ZBTB46: variants seen among roughly 807,000 people sequenced by gnomAD.
ZBTB46 encodes the protein zinc finger and BTB domain-containing protein 46.
A neutral mutation model predicts 44.1 loss-of-function variants in ZBTB46; 8 were observed. The ratio of observed to expected loss-of-function variants is 0.18; its 90% confidence interval spans 0.11 to 0.33. The LOEUF (loss-of-function observed/expected upper bound fraction) is 0.33. ZBTB46 is among the 10% of genes least tolerant of loss of function. The pLI is 1.00. For missense variants in ZBTB46, 651 were observed against 847.7 expected (o/e 0.77, Z 2.88); for synonymous variants, 409 against 382.3 (o/e 1.07, Z -0.81).
At chr20:63,774,681 TGC>T (rs1423871992) in intron 3 of ZBTB46, among the ~76,000 whole-genome samples, 34 of 126,820 alleles carry the variant, frequency 2.7e-4, no homozygotes, top group African/African-American at 9.7e-4. Flanking sequence ...GGGGGCTGGC[TGC>T]GGTGGGTTTT....
At chr20:63,824,281 C>T (rs1256254505) in intron 1 of ZBTB46, among the ~76,000 whole-genome samples, 2 of 152,056 alleles carry the variant, frequency 1.3e-5, no homozygotes, top group African/African-American at 2.4e-5. Context: ...TGTCCTCCAC[C>T]CCTAAAGGAG....
chr20:63,788,801 T>G (rs1216643310), intron 2 of ZBTB46, among the ~76,000 whole-genome samples: 1 of 147,720 alleles, frequency 6.8e-6, no homozygotes, highest in Non-Finnish European at 1.5e-5. Context: ...ATCACGTCAC[T>G]GCACTCCAGC....
intron 3 of ZBTB46, chr20:63,769,478 A>G (rs895361719): frequency 2.0e-6 from 2 of 981,094 alleles, no homozygotes; most frequent in Non-Finnish European, 2.4e-6. Context: ...TCTTCCCGGC[A>G]TGCGGTGTGA....
At chr20:63,768,908 C>T (rs1007576892) in intron 3 of ZBTB46, among the ~76,000 whole-genome samples, 1 of 152,150 alleles carries the variant, frequency 6.6e-6, no homozygotes, top group African/African-American at 2.4e-5. Context: ...CTGATGTTTC[C>T]AACCCACTGC....
intron 1 of ZBTB46, among the ~76,000 whole-genome samples, chr20:63,823,114 G>C (rs1449731203): frequency 2.6e-5 from 4 of 152,118 alleles, no homozygotes; most frequent in African/African-American, 9.7e-5. Context: ...ATTGCAGTGA[G>C]CCAAAACTGC....
rs375721563 is a variant in ZBTB46, at chr20:63,746,926, G to A, written c.*4C>T. 9.1e-5 allele frequency: 138 copies of A among 1,521,816 alleles called. No homozygotes were observed. Among genetic ancestry groups the A allele is most frequent in the Middle Eastern group, 1.8e-4 (1 of 5,464 alleles). The allele number at this position is 1,521,816 out of a possible 1,614,324, so 94.3% of individuals were successfully genotyped here. A position where few individuals can be genotyped will look rare whatever the true frequency, so the allele number is the denominator to read the frequency against. On this transcript the variant is annotated 3_prime_UTR_variant, in exon 5 of 5. Coordinates refer to ENST00000245663, the MANE Select transcript of ZBTB46 (RefSeq NM_001369741.1). The stretch of plus-strand genomic sequence containing the variant: ...GCAGCCACCGACCCTGCCGGCGGGC[G>A]GGCCTAGGAGAGCCAGGCGAAGTCC...
rs1200512753 is a variant in ZBTB46 at position 63,747,093 on chromosome 20, T to C, written c.1607A>G (p.Glu536Gly). Residue 536 changes from glutamate (E) to glycine (G), a missense_variant, in exon 5 of 5, where the codon GAG (glutamate) becomes GGG (glycine). Glu to Gly is a moderately conservative substitution (Grantham distance 98). Coordinates refer to ENST00000245663, the MANE Select transcript of ZBTB46 (RefSeq NM_001369741.1). ...CTCCCCTCGTGGGTCCTCAGGGTCCTCCAGATAGGGCCCGTCGCCTGGGAA... is the reference window on the plus strand; with the variant it reads ...CTCCCCTCGTGGGTCCTCAGGGTCCCCCAGATAGGGCCCGTCGCCTGGGAA... ...ALFPGDGPYL[E>G]DPEDPRGEAE... 13 of 1,609,626 alleles carry C rather than the reference T, an allele frequency of 8.1e-6. No homozygotes were observed. The highest frequency in any genetic ancestry group is 1.1e-5 in the Non-Finnish European group (13 of 1,179,494).
At chr20:63,831,509 C>T (rs1440665392), upstream of ZBTB46, among the ~76,000 whole-genome samples, 4 of 147,260 alleles carry the variant, frequency 2.7e-5, no homozygotes, top group Admixed American at 6.7e-5. Context: ...GTTCTCCCCC[C>T]CGCGGGCAGC....
chr20:63,793,912 C>A (rs2092580973), intron 1 of ZBTB46, among the ~76,000 whole-genome samples: 1 of 152,082 alleles, frequency 6.6e-6, no homozygotes, highest in South Asian at 2.1e-4. Context: ...TCAGGCCAGG[C>A]GCGGTGGCTC....
intron 3 of ZBTB46, among the ~76,000 whole-genome samples, chr20:63,770,718 C>T (rs894164700): frequency 9.2e-5 from 14 of 152,170 alleles, no homozygotes; most frequent in African/African-American, 2.9e-4. Flanking sequence ...TGAACCACGG[C>T]GCATTCATGA....
chr20:63,797,046 T>C (rs1379190033), intron 1 of ZBTB46, among the ~76,000 whole-genome samples: 1 of 152,076 alleles, frequency 6.6e-6, no homozygotes, highest in Non-Finnish European at 1.5e-5. Context: ...TAAGGGTACA[T>C]GTGCACAACG....
intron 1 of ZBTB46, among the ~76,000 whole-genome samples, chr20:63,819,987 G>A (rs939543784): frequency 3.9e-5 from 6 of 152,198 alleles, no homozygotes; most frequent in African/African-American, 1.4e-4. Flanking sequence ...CGTAGGCAGC[G>A]AAACATAACC....
chr20:63,820,249 A>G (rs576651140), intron 1 of ZBTB46, among the ~76,000 whole-genome samples: 52 of 151,494 alleles, frequency 3.4e-4, no homozygotes, highest in African/African-American at 1.2e-3. Flanking sequence ...ACCCGCCACC[A>G]CACCCAGCTA....
At chr20:63,751,697 T>TG in intron 4 of ZBTB46, among the ~76,000 whole-genome samples, 2 of 80,532 alleles carry the variant, frequency 2.5e-5, no homozygotes. Flanking sequence ...GGTCTCCCCA[T>TG]AAAGCCCCGC....
rs1478516530 is a variant in ZBTB46, at chr20:63,790,571, C to T, written c.187G>A (p.Val63Met). 1 of 1,613,220 alleles carries T rather than the reference C, an allele frequency of 6.2e-7. No individual in the cohort carries two copies. Among genetic ancestry groups the T allele is most frequent in the Non-Finnish European group, 8.5e-7 (1 of 1,180,018 alleles). ...GTGGCCTGCTCCGACGTCTTCTGCA[C>T]CTGGCAGTAGAGCGTCTTGAAGTAG... is the stretch of plus-strand genomic sequence containing the variant. The part of the protein sequence containing the change: ...SRYFKTLYCQ[V>M]QKTSEQATVT... The change falls in exon 2 of 5, where the codon GTG (valine) becomes ATG (methionine). Residue 63 changes from valine to methionine, a missense_variant. Coordinates refer to ENST00000245663, the MANE Select transcript of ZBTB46 (RefSeq NM_001369741.1).
In ZBTB46 at chr20:63,747,011, C is replaced by A. The variant is rs12625387; in HGVS notation, c.1689G>T (p.Ala563=). 6.2e-7 allele frequency: 1 copy of A among 1,607,450 alleles called. No individual in the cohort carries two copies. Among genetic ancestry groups the A allele is most frequent in the Admixed American group, 1.7e-5 (1 of 59,930 alleles). Residue 563 remains alanine, a synonymous_variant, in exon 5 of 5, where the codon GCG becomes GCT. Transcript: ENST00000245663. ...GCGAGTCTTCCTCATCCTTGTCGTC[C>A]GCCAACAGCGCATCCTCAGGGGCCA... is the stretch of plus-strand genomic sequence containing the variant. ...EGLAPEDALL[A]DDKDEEDSPR...
Position 63,761,188 on chromosome 20 carries a change from A to G in ZBTB46, c.1223-8327T>C, listed in dbSNP as rs575691903. Among the ~76,000 whole-genome samples the G allele has an allele frequency of 7.7e-4, 110 of 142,276 alleles. 1 individual carries two copies. Among genetic ancestry groups the G allele is most frequent in the African/African-American group, 2.7e-3 (108 of 40,152 alleles). The allele number at this position is 142,276 out of a possible 152,430, so 93.3% of individuals were successfully genotyped here. Reference sequence around the variant, plus strand: ...TAATTTTTGTATTTTTAGTAGAGACAGGGTTTCACCATGTTGACCAGACTG... The same window carrying G: ...TAATTTTTGTATTTTTAGTAGAGACGGGGTTTCACCATGTTGACCAGACTG... On this transcript the variant is annotated intron_variant, in intron 3 of 4. Transcript: ENST00000245663.
At chr20:63,808,918 G>A (rs1216057398) in intron 1 of ZBTB46, among the ~76,000 whole-genome samples, 4 of 148,284 alleles carry the variant, frequency 2.7e-5, no homozygotes, top group Admixed American at 6.8e-5. Context: ...CGGAGCTTGC[G>A]GTGAGCCGAG....
chr20:63,817,498 T>G (rs1601535711), intron 1 of ZBTB46, among the ~76,000 whole-genome samples: 2 of 151,670 alleles, frequency 1.3e-5, no homozygotes, highest in Non-Finnish European at 2.9e-5. Context: ...GCGGATCACC[T>G]GAGGTCAGGA....
Sources: gnomAD v4.1 joint callset for allele counts (sites outside exome capture counted in the v4.1 genomes callset) on GRCh38, gnomAD v4.1.1 for gene constraint, MANE v1.5 for transcripts, NCBI Gene and HGNC (gene_info 2026-07-23, HGNC 2026-07-21) for gene names.